CDC42SE2: variants seen among roughly 807,000 people sequenced by gnomAD.
CDC42SE2 encodes CDC42 small effector 2.
CDC42SE2 carries 3 observed loss-of-function variants against 11.5 expected under a neutral mutation model. That is an observed-to-expected ratio of 0.26 (90% confidence interval 0.12 to 0.67). The LOEUF is 0.67. CDC42SE2 is among the 30% of genes least tolerant of loss of function. CDC42SE2 has a pLI of 0.80. For synonymous variants in CDC42SE2, 33 were observed against 34.8 expected (o/e 0.95, Z 0.18); for missense variants, 82 against 106.8 (o/e 0.77, Z 1.02).
chr5:131,314,470 G>C (rs1480804498), intron 1 of CDC42SE2, among the ~76,000 whole-genome samples: 2 of 151,952 alleles, frequency 1.3e-5, no homozygotes, highest in Non-Finnish European at 2.9e-5. Flanking sequence ...TAAAATCCTG[G>C]CCTCAAGCAA....
intron 3 of CDC42SE2, among the ~76,000 whole-genome samples, chr5:131,361,962 A>G (rs777455380): frequency 6.6e-6 from 1 of 151,954 alleles, no homozygotes; most frequent in Non-Finnish European, 1.5e-5. Context: ...TTGGCTGTCT[A>G]TGTGTCTGCC....
At position 131,337,235 on chromosome 5, in the gene CDC42SE2, C is replaced by G. The variant is rs568853300; in HGVS notation, c.-286+21091C>G. On this transcript the variant is annotated intron_variant, in intron 2 of 4. Coordinates refer to ENST00000505065, the MANE Select transcript of CDC42SE2 (RefSeq NM_001375635.1). Reference sequence around the variant, plus strand: ...TTTTGGAGTTTACTGGAGGTCCACTCCAGACCCTGTTTGCCTGGGTATCAC... The same window carrying G: ...TTTTGGAGTTTACTGGAGGTCCACTGCAGACCCTGTTTGCCTGGGTATCAC... 4.9e-4 allele frequency among the ~76,000 whole-genome samples: 74 copies of G among 152,286 alleles called. 1 individual carries two copies. The highest frequency in any genetic ancestry group is 7.2e-4 in the Admixed American group (11 of 15,278).
chr5:131,347,483 G>A (rs549181372), intron 2 of CDC42SE2, among the ~76,000 whole-genome samples: 1 of 152,074 alleles, frequency 6.6e-6, no homozygotes, highest in Non-Finnish European at 1.5e-5. Context: ...CCAATAACAG[G>A]CTCTGAAATT....
At chr5:131,297,560 A>G (rs935486170) in intron 1 of CDC42SE2, among the ~76,000 whole-genome samples, 1 of 151,964 alleles carries the variant, frequency 6.6e-6, no homozygotes, top group Non-Finnish European at 1.5e-5. Flanking sequence ...TCTACTAAAA[A>G]TACAAAAAAA....
chr5:131,350,793 A>G lies in CDC42SE2; in HGVS notation c.-285-8416A>G, dbSNP rs868305886. 2.6e-5 allele frequency among the ~76,000 whole-genome samples: 4 copies of G among 152,134 alleles called. No homozygotes were observed. The South Asian group carries it at 6.2e-4, about 24-fold the overall frequency. On this transcript the variant is annotated intron_variant, in intron 2 of 4. Transcript: ENST00000505065. The stretch of plus-strand genomic sequence containing the variant: ...GAAAATGCAAAGGACCTAGAAAACT[A>G]AAAGCAATTTTGAAAAAGAGTATAA...
chr5:131,348,819 C>A (rs1300763259), intron 2 of CDC42SE2, among the ~76,000 whole-genome samples: 1 of 148,776 alleles, frequency 6.7e-6, no homozygotes, highest in Non-Finnish European at 1.5e-5. Flanking sequence ...ATAGAAGAGC[C>A]CCCGGAAATA....
At chr5:131,342,377 T>G (rs1758731123) in intron 2 of CDC42SE2, among the ~76,000 whole-genome samples, 2 of 146,744 alleles carry the variant, frequency 1.4e-5, no homozygotes, top group East Asian at 4.0e-4. Context: ...AGATTTGCCA[T>G]TTTTAATAGT....
In CDC42SE2 at chr5:131,342,388, C is replaced by CTTTTTTTTTTTTTTTTTTTTTT. The variant is rs35818778; in HGVS notation, c.-285-16802_-285-16801insTTTTTTTTTTTTTTTTTTTTTT. ...TCAGAGATTTGCCATTTTTAATAGT[C>CTTTTTTTTTTTTTTTTTTTTTT]TTTTTTTTTTTTTTTTTTTAAGATA... On this transcript the variant is annotated intron_variant, in intron 2 of 4. Coordinates refer to ENST00000505065, the MANE Select transcript of CDC42SE2 (RefSeq NM_001375635.1). Among the ~76,000 whole-genome samples the CTTTTTTTTTTTTTTTTTTTTTT allele has an allele frequency of 5.4e-4, 60 of 111,300 alleles. 8 individuals are homozygous for CTTTTTTTTTTTTTTTTTTTTTT. Among genetic ancestry groups the CTTTTTTTTTTTTTTTTTTTTTT allele is most frequent in the African/African-American group, 2.5e-3 (56 of 22,566 alleles). 73.0% of individuals were successfully genotyped at this position (111,300 alleles called of 152,430 possible). A position where few individuals can be genotyped will look rare whatever the true frequency, so the allele number is the denominator to read the frequency against.
intron 2 of CDC42SE2, among the ~76,000 whole-genome samples, chr5:131,346,578 G>A (rs978966993): frequency 2.0e-5 from 3 of 152,068 alleles, no homozygotes; most frequent in East Asian, 1.9e-4. Context: ...CCGACTGTCA[G>A]CATTAGACAG....
chr5:131,385,077 C>CA (rs1258936299), intron 3 of CDC42SE2, among the ~76,000 whole-genome samples: 1 of 152,074 alleles, frequency 6.6e-6, no homozygotes, highest in Admixed American at 6.5e-5. Context: ...GCTGAAATGA[C>CA]AGATTCATTT....
intron 4 of CDC42SE2, among the ~76,000 whole-genome samples, chr5:131,389,213 T>A (rs1750578449): frequency 6.6e-6 from 1 of 152,278 alleles, no homozygotes; most frequent in Non-Finnish European, 1.5e-5. Flanking sequence ...TTACTTGGTA[T>A]CAGGTTTGTG....
chr5:131,266,384 A>G (rs1371908391), intron 1 of CDC42SE2, among the ~76,000 whole-genome samples: 1 of 151,722 alleles, frequency 6.6e-6, no homozygotes, highest in East Asian at 1.9e-4. Flanking sequence ...AATACTTAAT[A>G]CATTGTTAAA....
rs866577117 is a variant in CDC42SE2, at chr5:131,387,455, C to T, written c.156+1811C>T. On this transcript the variant is annotated intron_variant, in intron 4 of 4. Coordinates refer to ENST00000505065, the MANE Select transcript of CDC42SE2 (RefSeq NM_001375635.1). ...GGTTCCAGCTGTTTGGGAGGCTGAG[C>T]GGGGAGGACTGCTTGAACCTGGGAG... Among the ~76,000 whole-genome samples, 5 of 151,968 alleles carry T rather than the reference C, an allele frequency of 3.3e-5. No individual in the cohort carries two copies. In the South Asian group the frequency reaches 6.2e-4, roughly 19 times the overall value.
chr5:131,376,094 A>T (rs1338007817), intron 3 of CDC42SE2, among the ~76,000 whole-genome samples: 2 of 151,888 alleles, frequency 1.3e-5, no homozygotes, highest in Non-Finnish European at 2.9e-5. Context: ...AAAAAATTAG[A>T]TGGGCATGGT....
At chr5:131,337,297 G>A (rs371289675) in intron 2 of CDC42SE2, among the ~76,000 whole-genome samples, 5 of 152,158 alleles carry the variant, frequency 3.3e-5, no homozygotes, top group East Asian at 3.9e-4. Context: ...TTATTGAACC[G>A]CAAATGCTGC....
intron 3 of CDC42SE2, among the ~76,000 whole-genome samples, chr5:131,373,860 T>C (rs189432586): frequency 2.0e-5 from 3 of 152,090 alleles, no homozygotes; most frequent in Admixed American, 6.5e-5. Flanking sequence ...ATATGATAGC[T>C]GAAATAAAGT....
intron 1 of CDC42SE2, among the ~76,000 whole-genome samples, chr5:131,249,014 C>CTTTTTTTTTTTTT (rs35929101): frequency 8.6e-6 from 1 of 116,092 alleles, no homozygotes; most frequent in African/African-American, 3.3e-5. Flanking sequence ...CAGGTTACAT[C>CTTTTTTTTTTTTT]TTTTTTTTTT....
At chr5:131,252,520 G>C (rs1307638115) in intron 1 of CDC42SE2, among the ~76,000 whole-genome samples, 2 of 152,176 alleles carry the variant, frequency 1.3e-5, no homozygotes, top group African/African-American at 2.4e-5. Flanking sequence ...AGCCGGGCGT[G>C]GTGGCGTGTG....
At chr5:131,291,574 T>C (rs140463469) in intron 1 of CDC42SE2, among the ~76,000 whole-genome samples, 1 of 152,312 alleles carries the variant, frequency 6.6e-6, no homozygotes, top group Non-Finnish European at 1.5e-5. Context: ...TGCTCCTTTT[T>C]CTCATTAAAG....
Sources: gnomAD v4.1 joint callset for allele counts (sites outside exome capture counted in the v4.1 genomes callset) on GRCh38, gnomAD v4.1.1 for gene constraint, MANE v1.5 for transcripts, NCBI Gene and HGNC (gene_info 2026-07-23, HGNC 2026-07-21) for gene names.